SPAM1: variants seen among roughly 807,000 people sequenced by gnomAD.
SPAM1 encodes sperm adhesion molecule 1.
SPAM1 carries 22 observed loss-of-function variants against 29.6 expected under a neutral mutation model. The ratio of observed to expected loss-of-function variants is 0.74; its 90% CI spans 0.53 to 1.06. The LOEUF (loss-of-function observed/expected upper bound fraction) is 1.06. Ranked by LOEUF, SPAM1 falls within the 50% of genes least tolerant of loss-of-function variation. The probability of loss-of-function intolerance (pLI) is 0.00; values close to 1 mark genes in which losing one functional copy is unlikely to be tolerated. For missense variants in SPAM1, 534 were observed against 604.0 expected, an observed-to-expected ratio of 0.88 and a Z score of 1.21; for synonymous variants, 194 against 204.6, an observed-to-expected ratio of 0.95 and a Z score of 0.44.
chr7:123,954,284 C>T lies in SPAM1; in HGVS notation c.714C>T (p.Cys238=). ...HYKKPGYNGS[C]FNVEIKRNDD... Reference sequence around the variant, plus strand: ...AGAAACCCGGTTACAATGGAAGTTGCTTCAATGTAGAAATAAAAAGAAATG... The same window carrying T: ...AGAAACCCGGTTACAATGGAAGTTGTTTCAATGTAGAAATAAAAAGAAATG... The change falls in exon 3 of 5, where the codon TGC becomes TGT. Residue 238 remains cysteine, a synonymous_variant. Coordinates refer to ENST00000682466, the MANE Select transcript of SPAM1 (RefSeq NM_153189.3). The T allele has an allele frequency of 6.2e-7, 1 of 1,612,566 alleles. No individual in the cohort carries two copies.
chr7:123,936,716 CTCTT>C (rs1356751499), intron 1 of SPAM1, among the ~76,000 whole-genome samples: 1 of 152,154 alleles, frequency 6.6e-6, no homozygotes, highest in African/African-American at 2.4e-5. Context: ...CTCTGTAATG[CTCTT>C]TCTAAATAGA....
chr7:123,927,854 C>T (rs1486670135), intron 1 of SPAM1, among the ~76,000 whole-genome samples: 3 of 152,058 alleles, frequency 2.0e-5, no homozygotes, highest in Non-Finnish European at 4.4e-5. Flanking sequence ...TGATTGTCTT[C>T]CTCTAAACAT....
chr7:123,926,189 A>C (rs1229556783), intron 1 of SPAM1: 3 of 152,190 alleles, frequency 2.0e-5, no homozygotes, highest in Non-Finnish European at 4.4e-5. Flanking sequence ...TTTACTGAGC[A>C]CTGGATGAAT....
chr7:123,965,161 G>A (rs902849862), intron 5 of SPAM1, among the ~76,000 whole-genome samples: 1 of 151,890 alleles, frequency 6.6e-6, no homozygotes, highest in Non-Finnish European at 1.5e-5. Context: ...ATCGGAGTGG[G>A]TGGCTTTGAC....
intron 2 of SPAM1, among the ~76,000 whole-genome samples, chr7:123,952,945 G>A (rs1175049395): frequency 6.6e-6 from 1 of 150,980 alleles, no homozygotes; most frequent in African/African-American, 2.4e-5. Flanking sequence ...AGAGAAAAAT[G>A]AAATTTCACA....
rs900701619 is a variant in SPAM1 at position 123,949,972 on chromosome 7, G to A, written c.-218G>A. The A allele has an allele frequency of 1.3e-5, 2 of 151,950 alleles. No homozygotes were observed. The highest frequency in any genetic ancestry group is 2.9e-5 in the Non-Finnish European group (2 of 67,994). The allele number at this position is 151,950 out of a possible 1,614,324, so 9.4% of individuals were successfully genotyped here. On this transcript the variant is annotated 5_prime_UTR_variant, in exon 2 of 5. Coordinates refer to ENST00000682466, the MANE Select transcript of SPAM1 (RefSeq NM_153189.3). ...GACATTGGGTGGCTGGATTTTGAAAGCAGACTTCTGGGTAAGTGTCATTGT... is the reference window on the plus strand; with the variant it reads ...GACATTGGGTGGCTGGATTTTGAAAACAGACTTCTGGGTAAGTGTCATTGT...
At chr7:123,962,983 A>G (rs1205248408), downstream of SPAM1, among the ~76,000 whole-genome samples, 1 of 151,864 alleles carries the variant, frequency 6.6e-6, no homozygotes. Flanking sequence ...CCATGATACC[A>G]CTATATGACA....
chr7:123,949,649 C>T (rs1808697754), intron 1 of SPAM1, among the ~76,000 whole-genome samples: 1 of 151,744 alleles, frequency 6.6e-6, no homozygotes, highest in Admixed American at 6.6e-5. Flanking sequence ...GAATACTACA[C>T]ATGTGAATAT....
chr7:123,963,710 T>A (rs978670083), downstream of SPAM1, among the ~76,000 whole-genome samples: 1 of 144,964 alleles, frequency 6.9e-6, no homozygotes, highest in Non-Finnish European at 1.5e-5. Context: ...TGAGCCCAAT[T>A]CAAAAGTTTT....
intron 1 of SPAM1, among the ~76,000 whole-genome samples, chr7:123,941,616 T>G (rs1186752587): frequency 3.9e-5 from 6 of 152,266 alleles, no homozygotes; most frequent in Admixed American, 3.3e-4. Flanking sequence ...AGGAATTCCC[T>G]TGTGGGCAAA....
chr7:123,967,804 T>C (rs898828726), intron 5 of SPAM1, among the ~76,000 whole-genome samples: 4 of 152,048 alleles, frequency 2.6e-5, no homozygotes, highest in Non-Finnish European at 5.9e-5. Flanking sequence ...TGGATTGAAA[T>C]GGTCAGATTT....
At chr7:123,955,189 A>G (rs911930101) in intron 4 of SPAM1, 103 bp downstream of exon 4, 13 of 783,260 alleles carry the variant, frequency 1.7e-5, no homozygotes, top group Middle Eastern at 2.5e-4. Context: ...TATGCTTGGC[A>G]TGTAGTAATA....
intron 1 of SPAM1, among the ~76,000 whole-genome samples, chr7:123,944,697 C>T (rs538799639): frequency 6.6e-6 from 1 of 152,148 alleles, no homozygotes; most frequent in African/African-American, 2.4e-5. Flanking sequence ...TTTAGACCTT[C>T]AAGATAAAAC....
At chr7:123,949,321 G>C (rs931468887) in intron 1 of SPAM1, among the ~76,000 whole-genome samples, 2 of 152,090 alleles carry the variant, frequency 1.3e-5, no homozygotes, top group African/African-American at 4.8e-5. Context: ...TAGAAGATCA[G>C]AAATACATAA....
In SPAM1 at chr7:123,954,277, G is replaced by T; in HGVS notation, c.707G>T (p.Gly236Val). The change falls in exon 3 of 5, where the codon GGA becomes GTA. Residue 236 changes from glycine (G) to valine (V), a missense_variant. Physicochemically the swap from Gly to Val is moderately radical, Grantham distance 109. Coordinates refer to ENST00000682466, the MANE Select transcript of SPAM1 (RefSeq NM_153189.3). ...NHHYKKPGYNGSCFNVEIKRN... is the reference protein window; with the variant it reads ...NHHYKKPGYNVSCFNVEIKRN... ...CACTATAAGAAACCCGGTTACAATG[G>T]AAGTTGCTTCAATGTAGAAATAAAA... is the stretch of plus-strand genomic sequence containing the variant. The T allele has an allele frequency of 1.2e-6, 2 of 1,612,746 alleles. No individual in the cohort carries two copies. The highest frequency in any genetic ancestry group is 1.7e-6 in the Non-Finnish European group (2 of 1,179,496).
At chr7:123,947,161 T>G (rs1192982412) in intron 1 of SPAM1, among the ~76,000 whole-genome samples, 1 of 152,198 alleles carries the variant, frequency 6.6e-6, no homozygotes, top group Non-Finnish European at 1.5e-5. Context: ...TATTTTTCTT[T>G]TATAATAAAT....
Position 123,954,194 on chromosome 7 carries a change from A to T in SPAM1, c.624A>T (p.Lys208Asn), listed in dbSNP as rs776334838. The T allele has an allele frequency of 6.2e-7, 1 of 1,613,576 alleles. No individual in the cohort carries two copies. The highest frequency in any genetic ancestry group is 8.5e-7 in the Non-Finnish European group (1 of 1,179,740). The change falls in exon 3 of 5, where the codon AAA becomes AAT. Residue 208 changes from lysine (K) to asparagine (N), a missense_variant. Physicochemically the swap from Lys to Asn is moderately conservative, Grantham distance 94. Coordinates refer to ENST00000682466, the MANE Select transcript of SPAM1 (RefSeq NM_153189.3). Reference protein sequence around the residue: ...DFLVETIKLGKLLRPNHLWGY... With the variant: ...DFLVETIKLGNLLRPNHLWGY... Reference sequence around the variant, plus strand: ...TGGTAGAGACTATAAAATTGGGAAAATTACTTCGGCCAAATCACTTGTGGG... The same window carrying T: ...TGGTAGAGACTATAAAATTGGGAAATTTACTTCGGCCAAATCACTTGTGGG...
chr7:123,934,659 A>G (rs1808197606), intron 1 of SPAM1, among the ~76,000 whole-genome samples: 1 of 152,206 alleles, frequency 6.6e-6, no homozygotes. Flanking sequence ...CAATTCAGCC[A>G]TAAAAAGGAT....
chr7:123,931,982 A>G (rs891310088), intron 1 of SPAM1: 1 of 152,236 alleles, frequency 6.6e-6, no homozygotes, highest in East Asian at 1.9e-4. Flanking sequence ...CCTATAGGAC[A>G]TATGCCTGTG....
Sources: allele counts gnomAD v4.1 joint callset (sites outside exome capture counted in the v4.1 genomes callset), GRCh38; gene constraint gnomAD v4.1.1; transcripts MANE v1.5; gene names NCBI Gene and HGNC (gene_info 2026-07-23, HGNC 2026-07-21).